Variants in PDE4B observed in about 807,000 individuals in gnomAD.
PDE4B encodes the protein phosphodiesterase 4B.
Under a neutral mutation model 82.2 loss-of-function variants are expected in PDE4B, and 20 were observed. That is an observed-to-expected ratio of 0.24 (90% confidence interval 0.17 to 0.35). The LOEUF (loss-of-function observed/expected upper bound fraction) is 0.35. PDE4B is among the 10% of genes least tolerant of loss of function. The pLI is 1.00. For missense variants in PDE4B, 655 were observed against 907.2 expected (o/e 0.72, Z 3.57); for synonymous variants, 320 against 318.9 (o/e 1.00, Z -0.04).
intron 1 of PDE4B, among the ~76,000 whole-genome samples, chr1:65,880,993 G>C (rs978454698): frequency 3.9e-5 from 6 of 152,130 alleles, no homozygotes; most frequent in African/African-American, 1.4e-4. Flanking sequence ...GCTTTTGTCA[G>C]CTTTCAGTAG....
chr1:66,092,915 G>A (rs80066081), intron 3 of PDE4B, among the ~76,000 whole-genome samples: 4,040 of 152,094 alleles, frequency 0.027, 96 homozygotes, highest in Non-Finnish European at 0.041. Context: ...GGTTTCAAAA[G>A]GATTCCTATA....
intron 3 of PDE4B, among the ~76,000 whole-genome samples, chr1:66,164,289 T>G (rs1280151427): frequency 3.3e-5 from 5 of 151,862 alleles, no homozygotes. Flanking sequence ...TGTAATCCAG[T>G]GCTTTGGGAG....
At chr1:65,950,395 A>G (rs1439454847) in intron 3 of PDE4B, among the ~76,000 whole-genome samples, 1 of 152,064 alleles carries the variant, frequency 6.6e-6, no homozygotes, top group African/African-American at 2.4e-5. Flanking sequence ...CAGGATCCCC[A>G]TCTTTACAGT....
chr1:66,357,075 A>G (rs1438798924), intron 9 of PDE4B, among the ~76,000 whole-genome samples: 1 of 152,172 alleles, frequency 6.6e-6, no homozygotes, highest in Non-Finnish European at 1.5e-5. Flanking sequence ...TTTTAGGGAC[A>G]TTTTACAGGT....
chr1:66,218,260 A>G (rs1650664038), intron 3 of PDE4B, among the ~76,000 whole-genome samples: 1 of 152,094 alleles, frequency 6.6e-6, no homozygotes, highest in African/African-American at 2.4e-5. Context: ...CGATATCTCA[A>G]ATGCAGTGAC....
chr1:65,860,413 A>C (rs977237770), intron 1 of PDE4B, among the ~76,000 whole-genome samples: 2 of 152,218 alleles, frequency 1.3e-5, no homozygotes, highest in East Asian at 3.8e-4. Context: ...TCCATGGTGT[A>C]CATGTGCCAC....
At chr1:65,992,640 CATCCACA>C (rs1478415292) in intron 3 of PDE4B, 3 of 878,846 alleles carry the variant, frequency 3.4e-6, no homozygotes, top group Non-Finnish European at 4.4e-6. Flanking sequence ...AGACAAACCT[CATCCACA>C]AGGAGGCTAC....
At chr1:66,302,495 G>T (rs1395093338) in intron 7 of PDE4B, among the ~76,000 whole-genome samples, 1 of 152,114 alleles carries the variant, frequency 6.6e-6, no homozygotes, top group African/African-American at 2.4e-5. Context: ...GTGGAAACAG[G>T]GAGTGGCCTG....
chr1:65,890,908 G>A (rs1025167324), intron 1 of PDE4B, among the ~76,000 whole-genome samples: 1 of 151,986 alleles, frequency 6.6e-6, no homozygotes, highest in Non-Finnish European at 1.5e-5. Context: ...GTAGTTAGGG[G>A]CATTGGTTCT....
chr1:66,135,783 T>A lies in PDE4B; in HGVS notation c.282-111677T>A, dbSNP rs556990699. ...GCAACCATAGAAGTCTCGTGGTCAA[T>A]TTTTGCTCTCCAATACTCTCATTTT... On this transcript the variant is annotated intron_variant, in intron 3 of 16. Transcript: ENST00000341517. Among the ~76,000 whole-genome samples the A allele has an allele frequency of 1.3e-5, 2 of 152,334 alleles. 1 individual carries two copies. Among genetic ancestry groups the A allele is most frequent in the South Asian group, 4.1e-4 (2 of 4,828 alleles).
At chr1:65,919,933 A>G (rs1237679281) in intron 3 of PDE4B, among the ~76,000 whole-genome samples, 1 of 152,228 alleles carries the variant, frequency 6.6e-6, no homozygotes, top group African/African-American at 2.4e-5. Context: ...AATCTGTGTG[A>G]TAGAGAATCA....
In PDE4B at chr1:65,913,283, C is replaced by A. The variant is rs760649360; in HGVS notation, c.-32C>A. On this transcript the variant is annotated 5_prime_UTR_variant, in exon 2 of 17. Transcript: ENST00000341517. ...TCAGCAAACTGCATTGAATAACAGA[C>A]ATCCTAAGAGGGGATATTTTCCACC... 6.2e-7 allele frequency: 1 copy of A among 1,600,968 alleles called. No individual in the cohort carries two copies. The highest frequency in any genetic ancestry group is 2.2e-5 in the East Asian group (1 of 44,848).
intron 2 of PDE4B, among the ~76,000 whole-genome samples, chr1:65,916,627 A>T (rs1302198201): frequency 6.6e-6 from 1 of 152,142 alleles, no homozygotes; most frequent in Non-Finnish European, 1.5e-5. Context: ...CCTTTAGTTT[A>T]TTCTTAAATC....
Position 66,372,970 on chromosome 1 carries a change from C to G in PDE4B, c.*292C>G, listed in dbSNP as rs1331187185. Reference sequence around the variant, plus strand: ...AATGGAAGACACAAAACTGAGAGATCATTCTGCACTAAGTTTCGGGAACTT... The same window carrying G: ...AATGGAAGACACAAAACTGAGAGATGATTCTGCACTAAGTTTCGGGAACTT... On this transcript the variant is annotated 3_prime_UTR_variant, in exon 17 of 17. Coordinates refer to ENST00000341517, the MANE Select transcript of PDE4B (RefSeq NM_002600.4). The G allele has an allele frequency of 3.2e-6, 1 of 312,504 alleles. No homozygotes were observed. Among genetic ancestry groups the G allele is most frequent in the African/African-American group, 2.1e-5 (1 of 48,160 alleles). 19.4% of individuals were successfully genotyped at this position (312,504 alleles called of 1,614,324 possible).
At chr1:66,354,183 A>G (rs899062104) in intron 8 of PDE4B, among the ~76,000 whole-genome samples, 3 of 152,160 alleles carry the variant, frequency 2.0e-5, no homozygotes, top group Admixed American at 2.0e-4. Flanking sequence ...ACCTTTTTTA[A>G]ATGTTTGCTT....
chr1:66,344,650 T>C (rs997760461), intron 8 of PDE4B, among the ~76,000 whole-genome samples: 7 of 152,080 alleles, frequency 4.6e-5, no homozygotes, highest in African/African-American at 1.7e-4. Context: ...TTGGTAGGAG[T>C]AGATTCTCTT....
At chr1:65,943,819 T>A (rs1648567158) in intron 3 of PDE4B, among the ~76,000 whole-genome samples, 1 of 152,018 alleles carries the variant, frequency 6.6e-6, no homozygotes. Context: ...GAAATGCTAC[T>A]GATTTATATG....
chr1:66,058,334 C>T (rs1427275687), intron 3 of PDE4B, among the ~76,000 whole-genome samples: 1 of 152,180 alleles, frequency 6.6e-6, no homozygotes, highest in East Asian at 1.9e-4. Context: ...GTGGCTTTTC[C>T]AGGTGCATGG....
intron 3 of PDE4B, among the ~76,000 whole-genome samples, chr1:66,178,686 G>T (rs543845711): frequency 2.6e-5 from 4 of 152,224 alleles, no homozygotes; most frequent in Admixed American, 6.5e-5. Context: ...GGCACTCATG[G>T]TATGGGCAAG....
Sources: gnomAD v4.1 joint callset for allele counts (sites outside exome capture counted in the v4.1 genomes callset) on GRCh38, gnomAD v4.1.1 for gene constraint, MANE v1.5 for transcripts, NCBI Gene and HGNC (gene_info 2026-07-23, HGNC 2026-07-21) for gene names.